Variants in CFAP74 observed in about 807,000 individuals in gnomAD.
CFAP74 encodes cilia and flagella associated protein 74, also known as cilia- and flagella-associated protein 74.
In CFAP74, 124 loss-of-function variants were observed where a neutral mutation model predicts 188.9. The ratio of observed to expected loss-of-function variants is 0.66; its 90% CI spans 0.57 to 0.76. CFAP74 has a LOEUF of 0.76. Among genes scored for constraint, CFAP74 ranks in the 30% least tolerant of loss-of-function variants. The pLI is 0.00. For missense variants in CFAP74, 2,198 were observed against 2,165.2 expected, an observed-to-expected ratio of 1.02 and a Z score of -0.30; for synonymous variants, 956 against 916.7, an observed-to-expected ratio of 1.04 and a Z score of -0.77.
Position 1,975,287 on chromosome 1 carries a change from A to G in CFAP74, c.501-1089T>C, listed in dbSNP as rs1338904376. Among the ~76,000 whole-genome samples the G allele has an allele frequency of 6.6e-6, 1 of 152,156 alleles. No homozygotes were observed. The highest frequency in any genetic ancestry group is 2.4e-5 in the African/African-American group (1 of 41,436). On this transcript the variant is annotated intron_variant, in intron 6 of 38. Coordinates refer to ENST00000682832, the MANE Select transcript of CFAP74 (RefSeq NM_001304360.2). This position sits in a 1 kb window ranked among gnomAD's most constrained non-coding sequence, Gnocchi z 4.5. Reference sequence around the variant, plus strand: ...ACATCTTTTTGAAAAAATCATGAACATATGTTGAATTGAGATACTCAATGG... The same window carrying G: ...ACATCTTTTTGAAAAAATCATGAACGTATGTTGAATTGAGATACTCAATGG...
At chr1:1,945,842 A>AAAAGAAC (rs55726148) in intron 20 of CFAP74, among the ~76,000 whole-genome samples, 55,776 of 143,674 alleles carry the variant, frequency 0.39, 12,624 homozygotes, top group Admixed American at 0.51. Flanking sequence ...AAAAAAAAAA[A>AAAAGAAC]AAAGAACAAA....
intron 20 of CFAP74, among the ~76,000 whole-genome samples, chr1:1,945,424 C>T (rs1368822378): frequency 1.3e-5 from 2 of 152,092 alleles, no homozygotes; most frequent in Non-Finnish European, 2.9e-5. Flanking sequence ...TGAGGTGAGC[C>T]GAGGACTCTG....
chr1:1,930,431 G>C (rs1405353196), intron 25 of CFAP74, 95 bp from the exon 26 acceptor site: 7 of 1,274,228 alleles, frequency 5.5e-6, no homozygotes, highest in African/African-American at 1.5e-5. Context: ...ACAAGCCCCG[G>C]GGGGGGCTCA....
intron 6 of CFAP74, 68 bp downstream of exon 6, chr1:1,985,318 C>T: frequency 7.3e-7 from 1 of 1,367,526 alleles, no homozygotes; most frequent in Admixed American, 1.7e-5. Flanking sequence ...CTCTCTGCCC[C>T]CAGATGGGAA....
chr1:1,969,351 C>T, intron 10 of CFAP74, among the ~76,000 whole-genome samples: 1 of 146,966 alleles, frequency 6.8e-6, no homozygotes. Flanking sequence ...CCCTGCCCAG[C>T]CCAGCCCAGA....
At chr1:1,971,140 C>T (rs898290103) in intron 9 of CFAP74, among the ~76,000 whole-genome samples, 3 of 150,296 alleles carry the variant, frequency 2.0e-5, no homozygotes, top group Admixed American at 1.3e-4. Context: ...CACACACATG[C>T]TCGCACATGC....
At chr1:1,932,195 G>T (rs992769794) in intron 25 of CFAP74, among the ~76,000 whole-genome samples, 2 of 151,738 alleles carry the variant, frequency 1.3e-5, no homozygotes, top group African/African-American at 4.8e-5. Flanking sequence ...AGGAGATCGA[G>T]ACCATCCTGG....
At chr1:1,954,132 A>G (rs1654373987) in intron 18 of CFAP74, 1 of 152,304 alleles carries the variant, frequency 6.6e-6, no homozygotes, top group Non-Finnish European at 1.5e-5. Flanking sequence ...GGAAACCAAA[A>G]AGCAACATCT....
chr1:1,991,303 A>G (rs1657552293), intron 1 of CFAP74, among the ~76,000 whole-genome samples: 1 of 152,214 alleles, frequency 6.6e-6, no homozygotes, highest in African/African-American at 2.4e-5. Flanking sequence ...TGGTGAGGCT[A>G]CAGTGAGCTG....
At chr1:1,949,894 C>T (rs1383951086) in intron 18 of CFAP74, among the ~76,000 whole-genome samples, 2 of 152,182 alleles carry the variant, frequency 1.3e-5, no homozygotes, top group African/African-American at 4.8e-5. Flanking sequence ...TGGCAGGGAC[C>T]CCACGGTTTC....
intron 18 of CFAP74, among the ~76,000 whole-genome samples, chr1:1,948,735 C>A (rs1270779030): frequency 1.3e-5 from 2 of 151,910 alleles, no homozygotes; most frequent in African/African-American, 4.8e-5. Context: ...ACTACAGATG[C>A]ATGTCACCAC....
chr1:1,985,492 T>A lies in CFAP74; in HGVS notation c.396-2A>T. 6.2e-7 allele frequency: 1 copy of A among 1,612,842 alleles called. No homozygotes were observed. The highest frequency in any genetic ancestry group is 1.1e-5 in the South Asian group (1 of 91,068). On this transcript the variant is annotated splice_acceptor_variant, in intron 5 of 38. Transcript: ENST00000682832. LOFTEE classifies it high-confidence loss of function. ...GCCTGGAGGCGGCCCACAGCGGCCC[T>A]GCAGTGGTGAACGGACAGGCCGGGC...
intron 22 of CFAP74, 124 bp from the exon 23 acceptor site, chr1:1,940,527 T>G: frequency 2.9e-6 from 2 of 687,800 alleles, no homozygotes; most frequent in Non-Finnish European, 4.7e-6. Flanking sequence ...ACATCAGCGC[T>G]GGGAGACGCA....
At chr1:1,971,324 T>G (rs1656034646) in intron 9 of CFAP74, among the ~76,000 whole-genome samples, 1 of 141,596 alleles carries the variant, frequency 7.1e-6, no homozygotes, top group African/African-American at 2.7e-5. Flanking sequence ...TGCAGACACT[T>G]GCACACCTGC....
intron 14 of CFAP74, among the ~76,000 whole-genome samples, chr1:1,962,093 G>A (rs892933043): frequency 3.3e-5 from 5 of 152,174 alleles, no homozygotes; most frequent in Admixed American, 6.5e-5. Context: ...CTGGGAATCC[G>A]AAAGCCATCC....
chr1:1,966,315 C>A, intron 12 of CFAP74, 56 bp downstream of exon 12: 1 of 1,412,132 alleles, frequency 7.1e-7, no homozygotes, highest in Non-Finnish European at 9.4e-7. Flanking sequence ...GGTGGCGAGC[C>A]GGCGACAGAG....
intron 14 of CFAP74, among the ~76,000 whole-genome samples, chr1:1,961,222 G>C (rs1655069495): frequency 6.6e-6 from 1 of 152,190 alleles, no homozygotes; most frequent in South Asian, 2.1e-4. Context: ...GAATGAATGG[G>C]GGAGGGGCGA....
chr1:1,986,281 G>A (rs993855932), intron 5 of CFAP74, among the ~76,000 whole-genome samples: 4 of 152,216 alleles, frequency 2.6e-5, no homozygotes, highest in Admixed American at 6.5e-5. Context: ...CAGCTACTCC[G>A]GAGGCTGCAG....
At chr1:1,929,680 G>A (rs1327718733) in intron 26 of CFAP74, among the ~76,000 whole-genome samples, 1 of 151,838 alleles carries the variant, frequency 6.6e-6, no homozygotes, top group African/African-American at 2.4e-5. Context: ...TGCTGGGTGG[G>A]AGTGGCCGAC....
Sources: gnomAD v4.1 joint callset for allele counts (sites outside exome capture counted in the v4.1 genomes callset) on GRCh38, gnomAD v4.1.1 for gene constraint, Gnocchi (gnomAD v3.1) non-coding constraint, MANE v1.5 for transcripts, NCBI Gene and HGNC (gene_info 2026-07-23, HGNC 2026-07-21) for gene names.